Variants in AGMO observed in about 807,000 individuals in gnomAD.
The protein encoded by AGMO is alkylglycerol monooxygenase.
AGMO carries 75 observed loss-of-function variants against 60.2 expected under a neutral mutation model. The ratio of observed to expected loss-of-function variants is 1.25; its 90% CI spans 1.03 to 1.51. The LOEUF (loss-of-function observed/expected upper bound fraction) is 1.51, where lower values mean the gene tolerates loss of function less well. Among genes scored for constraint, AGMO ranks in the 40% most tolerant of loss-of-function variants. The pLI is 0.00. For synonymous variants in AGMO, 261 were observed against 177.1 expected (o/e 1.47, Z -3.76); for missense variants, 763 against 525.5 (o/e 1.45, Z -4.42).
At chr7:15,234,357 C>T (rs183044733) in intron 12 of AGMO, among the ~76,000 whole-genome samples, 52 of 152,302 alleles carry the variant, frequency 3.4e-4, no homozygotes, top group Non-Finnish European at 6.2e-4. Flanking sequence ...ATATCTTCCT[C>T]ACTTTCCCCC....
chr7:15,240,987 C>A (rs1027489274), intron 12 of AGMO, among the ~76,000 whole-genome samples: 20 of 152,076 alleles, frequency 1.3e-4, no homozygotes, highest in Admixed American at 2.0e-4. Flanking sequence ...CACATTTTGT[C>A]CATTTTATCA....
chr7:15,167,773 A>G, the AGMO span, among the ~76,000 whole-genome samples: 1 of 152,200 alleles, frequency 6.6e-6, no homozygotes, highest in Admixed American at 6.5e-5. Flanking sequence ...ATGGCAATAA[A>G]CATTTAAAAT....
chr7:15,340,092 C>T (rs550557159), intron 12 of AGMO, among the ~76,000 whole-genome samples: 22 of 152,170 alleles, frequency 1.4e-4, no homozygotes, highest in African/African-American at 4.1e-4. Flanking sequence ...TTTGGAATAT[C>T]TGCATATGCA....
At chr7:15,235,721 G>A (rs553883444) in intron 12 of AGMO, among the ~76,000 whole-genome samples, 5 of 152,212 alleles carry the variant, frequency 3.3e-5, no homozygotes, top group Non-Finnish European at 5.9e-5. Flanking sequence ...GCATGCAGTC[G>A]AAATGCCCAG....
the AGMO span, among the ~76,000 whole-genome samples, chr7:15,135,773 T>C: frequency 1.3e-5 from 2 of 151,822 alleles, no homozygotes; most frequent in Non-Finnish European, 2.9e-5. Flanking sequence ...CTTTAGACAA[T>C]ATTCCAACTT....
chr7:15,361,186 A>C (rs1004703397), intron 12 of AGMO, among the ~76,000 whole-genome samples: 23 of 152,072 alleles, frequency 1.5e-4, no homozygotes, highest in African/African-American at 4.8e-4. Flanking sequence ...TCTTTGACTG[A>C]AACTGTGACA....
At chr7:15,143,500 T>A in the AGMO span, among the ~76,000 whole-genome samples, 14 of 152,186 alleles carry the variant, frequency 9.2e-5, no homozygotes, top group African/African-American at 2.7e-4. Context: ...ATGCAGACTG[T>A]TGTAAACTCA....
intron 10 of AGMO, among the ~76,000 whole-genome samples, chr7:15,384,422 T>C (rs1170761116): frequency 1.3e-5 from 2 of 152,204 alleles, no homozygotes; most frequent in African/African-American, 4.8e-5. Flanking sequence ...CATTTTTAAC[T>C]CCTTAGGTGT....
chr7:15,541,426 A>G (rs1417509518), intron 3 of AGMO, among the ~76,000 whole-genome samples: 3 of 152,140 alleles, frequency 2.0e-5, no homozygotes, highest in Non-Finnish European at 2.9e-5. Flanking sequence ...AGCCTAATGC[A>G]TTATTTTTAT....
chr7:15,432,724 C>G (rs1423559055), intron 3 of AGMO, among the ~76,000 whole-genome samples: 1 of 151,844 alleles, frequency 6.6e-6, no homozygotes, highest in Non-Finnish European at 1.5e-5. Flanking sequence ...TATTTCTATG[C>G]TAGCAATTAA....
chr7:15,426,582 A>G (rs1781069840), intron 4 of AGMO, among the ~76,000 whole-genome samples: 1 of 151,896 alleles, frequency 6.6e-6, no homozygotes, highest in Non-Finnish European at 1.5e-5. Context: ...AACCCTGTCT[A>G]TACAAAATAC....
intron 12 of AGMO, among the ~76,000 whole-genome samples, chr7:15,281,740 C>T (rs1783972232): frequency 1.3e-5 from 2 of 152,196 alleles, no homozygotes; most frequent in Non-Finnish European, 2.9e-5. Context: ...GGACACCACT[C>T]CTACTGGCCT....
intron 12 of AGMO, among the ~76,000 whole-genome samples, chr7:15,285,905 C>T (rs1350789496): frequency 1.3e-5 from 2 of 151,684 alleles, no homozygotes; most frequent in African/African-American, 4.8e-5. Flanking sequence ...AACAGAGGGC[C>T]CCAAGTAAAG....
At chr7:15,392,812 A>AT (rs1784204516) in intron 6 of AGMO, among the ~76,000 whole-genome samples, 1 of 150,706 alleles carries the variant, frequency 6.6e-6, no homozygotes, top group African/African-American at 2.4e-5. Flanking sequence ...ACAAACAAAC[A>AT]AACAAACAAA....
At chr7:15,510,051 C>G (rs1316114898) in intron 3 of AGMO, among the ~76,000 whole-genome samples, 1 of 152,080 alleles carries the variant, frequency 6.6e-6, no homozygotes, top group African/African-American at 2.4e-5. Flanking sequence ...ATACAGCAAC[C>G]CTTCTTCTGG....
At chr7:15,476,149 C>T (rs1048050366) in intron 3 of AGMO, among the ~76,000 whole-genome samples, 2 of 151,954 alleles carry the variant, frequency 1.3e-5, no homozygotes, top group Non-Finnish European at 2.9e-5. Flanking sequence ...AAGTAGAAAT[C>T]GAATTTCACT....
intron 8 of AGMO, among the ~76,000 whole-genome samples, chr7:15,389,375 T>C (rs1364870603): frequency 6.6e-6 from 1 of 152,196 alleles, no homozygotes; most frequent in Non-Finnish European, 1.5e-5. Flanking sequence ...CAGTGTACCA[T>C]TTCTCAATTG....
chr7:15,271,882 C>T (rs1430776995), intron 12 of AGMO, among the ~76,000 whole-genome samples: 1 of 152,000 alleles, frequency 6.6e-6, no homozygotes, highest in East Asian at 1.9e-4. Context: ...AAAAAGGATG[C>T]CAAATTTTAT....
chr7:15,268,354 C>A (rs1783495032), intron 12 of AGMO, among the ~76,000 whole-genome samples: 1 of 152,002 alleles, frequency 6.6e-6, no homozygotes, highest in Admixed American at 6.6e-5. Context: ...CTCACTGTTA[C>A]CTCTTCCCGC....
Sources: allele counts gnomAD v4.1 joint callset (sites outside exome capture counted in the v4.1 genomes callset), GRCh38; gene constraint gnomAD v4.1.1; transcripts MANE v1.5; gene names NCBI Gene and HGNC (gene_info 2026-07-23, HGNC 2026-07-21).